HHAT: variants seen among roughly 807,000 people sequenced by gnomAD.
The protein encoded by HHAT is protein-cysteine N-palmitoyltransferase HHAT.
A neutral mutation model predicts 70.8 loss-of-function variants in HHAT; 47 were observed. The ratio of observed to expected loss-of-function variants is 0.66; its 90% CI spans 0.53 to 0.85. The LOEUF (loss-of-function observed/expected upper bound fraction) is 0.85, where lower values mean the gene tolerates loss of function less well. Among genes scored for constraint, HHAT ranks in the 40% least tolerant of loss-of-function variants. The probability of loss-of-function intolerance (pLI) is 0.00; values close to 1 mark genes in which losing one functional copy is unlikely to be tolerated. For synonymous variants in HHAT, 228 were observed against 247.6 expected, an observed-to-expected ratio of 0.92 and a Z score of 0.74; for missense variants, 609 against 604.8, an observed-to-expected ratio of 1.01 and a Z score of -0.07.
chr1:210,349,080 CT>C lies in HHAT; in HGVS notation c.91+18del. 6.2e-7 allele frequency: 1 copy of C among 1,609,138 alleles called. No homozygotes were observed. The highest frequency in any genetic ancestry group is 1.1e-5 in the South Asian group (1 of 89,794). On this transcript the variant is annotated intron_variant, in intron 2 of 11. Transcript: ENST00000261458. ...AAGTCTCCAGAGGTAAGGCCCCAAG[CT>C]TTTCAGACCTCCTATCAAACAAGGA...
chr1:210,510,835 C>T (rs912424164), intron 8 of HHAT, among the ~76,000 whole-genome samples: 1 of 152,176 alleles, frequency 6.6e-6, no homozygotes, highest in Non-Finnish European at 1.5e-5. Context: ...TCAGTGCCTT[C>T]CTCTGACCCC....
At chr1:210,656,754 C>T (rs1676510928) in intron 11 of HHAT, among the ~76,000 whole-genome samples, 1 of 152,174 alleles carries the variant, frequency 6.6e-6, no homozygotes, top group South Asian at 2.1e-4. Context: ...AGGCAGCTCT[C>T]ATGCTTCTTT....
intron 7 of HHAT, among the ~76,000 whole-genome samples, chr1:210,431,543 G>C (rs2093243760): frequency 6.6e-6 from 1 of 151,900 alleles, no homozygotes. Context: ...AGATGGGACA[G>C]TCTGTTATAT....
chr1:210,423,960 G>C (rs1322839556), intron 7 of HHAT, among the ~76,000 whole-genome samples: 1 of 152,088 alleles, frequency 6.6e-6, no homozygotes, highest in East Asian at 1.9e-4. Flanking sequence ...TATATTTTGA[G>C]GTCTGGCAGT....
chr1:210,507,991 A>G (rs1438480904), intron 8 of HHAT, among the ~76,000 whole-genome samples: 3 of 151,936 alleles, frequency 2.0e-5, no homozygotes, highest in African/African-American at 7.2e-5. Context: ...CGAGGTCAGG[A>G]GATCAAGACC....
At chr1:210,620,093 G>A (rs539981880) in intron 10 of HHAT, among the ~76,000 whole-genome samples, 1 of 152,338 alleles carries the variant, frequency 6.6e-6, no homozygotes, top group Admixed American at 6.5e-5. Flanking sequence ...CGGTGATGAA[G>A]GACCACAGGG....
chr1:210,363,680 G>A (rs2088602304), intron 3 of HHAT, among the ~76,000 whole-genome samples: 1 of 152,090 alleles, frequency 6.6e-6, no homozygotes, highest in African/African-American at 2.4e-5. Context: ...GTCATGGTGG[G>A]GGCTTCGGGT....
intron 11 of HHAT, among the ~76,000 whole-genome samples, chr1:210,652,809 A>C (rs1296432675): frequency 6.6e-6 from 1 of 152,248 alleles, no homozygotes; most frequent in Non-Finnish European, 1.5e-5. Flanking sequence ...ATGCAAATTG[A>C]AAGTAGGACA....
In HHAT at chr1:210,477,305, G is replaced by T. The variant is rs117923365; in HGVS notation, c.1007+12650G>T. On this transcript the variant is annotated intron_variant, in intron 8 of 11. Coordinates refer to ENST00000261458, the MANE Select transcript of HHAT (RefSeq NM_018194.6). Reference sequence around the variant, plus strand: ...CATTTGTTGTCACAGGATGCATTTGGCCTCCAATTAGTTTTCCTGTATATG... The same window carrying T: ...CATTTGTTGTCACAGGATGCATTTGTCCTCCAATTAGTTTTCCTGTATATG... 2.0e-3 allele frequency among the ~76,000 whole-genome samples: 300 copies of T among 152,312 alleles called. 9 individuals carry two copies. In the South Asian group the frequency reaches 0.045, roughly 23 times the overall value.
chr1:210,655,725 C>T (rs950683711), intron 11 of HHAT, among the ~76,000 whole-genome samples: 6 of 152,166 alleles, frequency 3.9e-5, no homozygotes, highest in African/African-American at 9.7e-5. Context: ...CTCATGAGTA[C>T]GTCATTTAAA....
At chr1:210,439,751 C>G (rs974769724) in intron 7 of HHAT, 1 of 151,858 alleles carries the variant, frequency 6.6e-6, no homozygotes, top group African/African-American at 2.4e-5. Flanking sequence ...AAAGGGTCTT[C>G]AGGTAAGGCC....
intron 11 of HHAT, among the ~76,000 whole-genome samples, chr1:210,652,791 A>G (rs1235944674): frequency 6.6e-6 from 1 of 152,216 alleles, no homozygotes; most frequent in Non-Finnish European, 1.5e-5. Flanking sequence ...TCACTCTGCA[A>G]AAGAGAAATG....
chr1:210,426,029 G>T (rs538988322), intron 7 of HHAT, among the ~76,000 whole-genome samples: 1 of 152,170 alleles, frequency 6.6e-6, no homozygotes, highest in Admixed American at 6.5e-5. Flanking sequence ...TGAGCAGTGG[G>T]TTGTAGTTAT....
At chr1:210,386,738 G>A (rs1572073346) in intron 3 of HHAT, among the ~76,000 whole-genome samples, 1 of 152,092 alleles carries the variant, frequency 6.6e-6, no homozygotes, top group South Asian at 2.1e-4. Flanking sequence ...TGACTTTGAG[G>A]TGCTGGTTCC....
At chr1:210,403,792 A>T (rs559235098) in intron 5 of HHAT, among the ~76,000 whole-genome samples, 15 of 152,308 alleles carry the variant, frequency 9.8e-5, no homozygotes, top group African/African-American at 3.4e-4. Context: ...CCCCGATATT[A>T]ACATTTTATT....
intron 10 of HHAT, among the ~76,000 whole-genome samples, chr1:210,615,640 A>G (rs576869265): frequency 1.3e-5 from 2 of 152,226 alleles, no homozygotes; most frequent in Non-Finnish European, 1.5e-5. Flanking sequence ...TCTGTTTGTT[A>G]GTTTTCCTTC....
rs368664412 is a variant in HHAT, at chr1:210,587,919, C to T, written c.1065C>T (p.Gly355=). The change falls in exon 10 of 12, where the codon GGC becomes GGT. Residue 355 remains glycine, a synonymous_variant. Transcript: ENST00000261458. ...FLIRYVYIPV[G]GSQHGLLGTL... is the part of the protein sequence containing the mutation. ...CTAGGTATGTGTACATTCCAGTGGG[C>T]GGGTCCCAGCATGGCCTGCTGGGGA... 3.4e-5 allele frequency: 55 copies of T among 1,613,696 alleles called. No individual in the cohort carries two copies. Among genetic ancestry groups the T allele is most frequent in the South Asian group, 5.5e-5 (5 of 91,080 alleles).
chr1:210,328,893 A>AGGGCGCGCGGGCACGGC (rs2084730662), upstream of HHAT: 2 of 680,896 alleles, frequency 2.9e-6, no homozygotes, highest in Non-Finnish European at 4.1e-6. Context: ...CCGGGCGCGG[A>AGGGCGCGCGGGCACGGC]GGGCGCGCGG....
intron 8 of HHAT, among the ~76,000 whole-genome samples, chr1:210,482,034 C>T (rs2094405159): frequency 1.3e-5 from 2 of 152,034 alleles, no homozygotes; most frequent in African/African-American, 2.4e-5. Flanking sequence ...ACTTTGTAAG[C>T]GATAGTTCAT....
Sources: allele counts gnomAD v4.1 joint callset (sites outside exome capture counted in the v4.1 genomes callset), GRCh38; gene constraint gnomAD v4.1.1; transcripts MANE v1.5; gene names NCBI Gene and HGNC (gene_info 2026-07-23, HGNC 2026-07-21).